MYO1E: variants seen among roughly 807,000 people sequenced by gnomAD.
The protein encoded by MYO1E is unconventional myosin-Ie.
In MYO1E, 68 loss-of-function variants were observed where a neutral mutation model predicts 151.1. That is an observed-to-expected ratio of 0.45 (90% CI 0.37 to 0.55). The LOEUF (loss-of-function observed/expected upper bound fraction) is 0.55. Among genes scored for constraint, MYO1E ranks in the 20% least tolerant of loss-of-function variants. The pLI, the probability that MYO1E is intolerant of heterozygous loss-of-function variation, is 0.00. For missense variants in MYO1E, 1,363 were observed against 1,389.3 expected, an observed-to-expected ratio of 0.98 and a Z score of 0.30; for synonymous variants, 601 against 501.7, an observed-to-expected ratio of 1.20 and a Z score of -2.64.
chr15:59,298,961 C>G (rs777743872), intron 1 of MYO1E, among the ~76,000 whole-genome samples: 19 of 152,158 alleles, frequency 1.2e-4, no homozygotes, highest in Non-Finnish European at 2.5e-4. Context: ...CTTTGTTATA[C>G]AAGAACCACC....
intron 1 of MYO1E, among the ~76,000 whole-genome samples, chr15:59,296,839 CTTTTTTTT>C (rs10717328): frequency 8.0e-6 from 1 of 125,532 alleles, no homozygotes; most frequent in Non-Finnish European, 1.7e-5. Context: ...ATACTTTTTT[CTTTTTTTT>C]TTTTTTTTTT....
At position 59,223,061 on chromosome 15, in the gene MYO1E, T is replaced by G; in HGVS notation, c.908A>C (p.Glu303Ala). ...VGNYAAVESE[E>A]FLAFPAYLLG... is the part of the protein sequence containing the mutation. ...GGCCACATGCCAGGGCTACGCACACTCTTCACTCTCCACAGCCGCGTAGTT... is the reference window on the plus strand; with the variant it reads ...GGCCACATGCCAGGGCTACGCACACGCTTCACTCTCCACAGCCGCGTAGTT... The change falls in exon 9 of 28, where the codon GAG becomes GCG. Residue 303 changes from glutamate to alanine, a missense_variant and splice_region_variant. By Grantham distance (107) the Glu-to-Ala change is moderately radical. Transcript: ENST00000288235. 6.2e-7 allele frequency: 1 copy of G among 1,613,978 alleles called. No individual in the cohort carries two copies. Among genetic ancestry groups the G allele is most frequent in the Non-Finnish European group, 8.5e-7 (1 of 1,180,026 alleles).
intron 26 of MYO1E, among the ~76,000 whole-genome samples, chr15:59,146,726 T>A (rs1040333034): frequency 1.3e-5 from 2 of 148,656 alleles, no homozygotes; most frequent in African/African-American, 4.9e-5. Context: ...TTATATTGTA[T>A]ATATTATTTA....
chr15:59,340,211 G>C (rs1298635205), intron 1 of MYO1E, among the ~76,000 whole-genome samples: 2 of 152,014 alleles, frequency 1.3e-5, no homozygotes, highest in African/African-American at 4.8e-5. Context: ...CTATAATCGA[G>C]AAGCATGAGG....
intron 4 of MYO1E, among the ~76,000 whole-genome samples, chr15:59,246,253 G>T (rs1316850493): frequency 6.6e-6 from 1 of 152,148 alleles, no homozygotes; most frequent in Non-Finnish European, 1.5e-5. Flanking sequence ...AAGTAGCTGG[G>T]ATTACAGGTG....
At chr15:59,183,725 A>G (rs1172381686) in intron 18 of MYO1E, among the ~76,000 whole-genome samples, 1 of 152,172 alleles carries the variant, frequency 6.6e-6, no homozygotes, top group African/African-American at 2.4e-5. Flanking sequence ...GTACAGTTAA[A>G]TTATATTTGA....
chr15:59,281,441 T>C (rs2080352785), intron 1 of MYO1E, among the ~76,000 whole-genome samples: 1 of 151,732 alleles, frequency 6.6e-6, no homozygotes, highest in South Asian at 2.1e-4. Flanking sequence ...ACACCAAGCT[T>C]ATTTTTGTAT....
Position 59,223,177 on chromosome 15 carries a change from C to G in MYO1E, c.792G>C (p.Val264=). The G allele has an allele frequency of 1.2e-6, 2 of 1,614,222 alleles. No homozygotes were observed. The highest frequency in any genetic ancestry group is 1.7e-6 in the Non-Finnish European group (2 of 1,180,046). ...TTTGCTCTTCTGCAAAGATCCCAATCACATTCATGGCGTGCTGGAAGAGAA... is the reference window on the plus strand; with the variant it reads ...TTTGCTCTTCTGCAAAGATCCCAATGACATTCATGGCGTGCTGGAAGAGAA... ...EFQETLHAMN[V]IGIFAEEQTL... Residue 264 remains valine (V), a synonymous_variant, in exon 9 of 28, where the codon GTG becomes GTC. Transcript: ENST00000288235.
intron 14 of MYO1E, chr15:59,207,755 A>T (rs1485856054): frequency 2.5e-6 from 4 of 1,614,184 alleles, no homozygotes; most frequent in Non-Finnish European, 2.5e-6. Context: ...ACTGATAAAG[A>T]TCCTGAGCAA....
At chr15:59,267,803 T>C (rs1249330274) in intron 2 of MYO1E, among the ~76,000 whole-genome samples, 1 of 152,226 alleles carries the variant, frequency 6.6e-6, no homozygotes, top group African/African-American at 2.4e-5. Context: ...GATCTTACAA[T>C]GTAATTGTAA....
At chr15:59,331,490 G>C (rs1316799386) in intron 1 of MYO1E, among the ~76,000 whole-genome samples, 3 of 152,148 alleles carry the variant, frequency 2.0e-5, no homozygotes, top group Non-Finnish European at 4.4e-5. Flanking sequence ...GGGAGAGGTA[G>C]AACAATATAT....
chr15:59,177,071 G>GT (rs2079629418), intron 19 of MYO1E, among the ~76,000 whole-genome samples: 1 of 152,160 alleles, frequency 6.6e-6, no homozygotes, highest in Admixed American at 6.5e-5. Flanking sequence ...GTAACAGCGG[G>GT]TATGAAACAA....
At chr15:59,224,148 G>A (rs994282132) in intron 8 of MYO1E, among the ~76,000 whole-genome samples, 7 of 152,160 alleles carry the variant, frequency 4.6e-5, no homozygotes, top group African/African-American at 1.4e-4. Context: ...CCCCAGGATG[G>A]AACCCCTCCA....
intron 1 of MYO1E, among the ~76,000 whole-genome samples, chr15:59,322,157 A>G (rs745826404): frequency 6.6e-6 from 1 of 151,260 alleles, no homozygotes. Flanking sequence ...CCCGGGCAAC[A>G]GAGTAAGACT....
intron 1 of MYO1E, among the ~76,000 whole-genome samples, chr15:59,340,365 T>C (rs1727102320): frequency 6.7e-6 from 1 of 148,378 alleles, no homozygotes; most frequent in South Asian, 2.3e-4. Context: ...TAAGGCAAAC[T>C]TTTCACATTA....
chr15:59,163,991 C>T (rs2079551406), intron 22 of MYO1E, among the ~76,000 whole-genome samples: 1 of 152,202 alleles, frequency 6.6e-6, no homozygotes, highest in Non-Finnish European at 1.5e-5. Context: ...TTTGCGGGAA[C>T]TGCATGTTTG....
At chr15:59,227,997 T>A (rs1246919724) in intron 6 of MYO1E, among the ~76,000 whole-genome samples, 4 of 152,190 alleles carry the variant, frequency 2.6e-5, no homozygotes, top group Non-Finnish European at 5.9e-5. Context: ...CTCTCTTACC[T>A]ACGGAGCATC....
intron 1 of MYO1E, among the ~76,000 whole-genome samples, chr15:59,314,509 G>A (rs1471075747): frequency 2.0e-5 from 3 of 152,184 alleles, no homozygotes; most frequent in African/African-American, 7.2e-5. Flanking sequence ...CTGGTCACAG[G>A]AGAAGGCCTC....
At chr15:59,192,793 T>C (rs1432456357) in intron 17 of MYO1E, among the ~76,000 whole-genome samples, 2 of 152,198 alleles carry the variant, frequency 1.3e-5, no homozygotes, top group Non-Finnish European at 2.9e-5. Flanking sequence ...GGAGTAATCA[T>C]ATTGGGATAT....
Sources: allele counts gnomAD v4.1 joint callset (sites outside exome capture counted in the v4.1 genomes callset), GRCh38; gene constraint gnomAD v4.1.1; transcripts MANE v1.5; gene names NCBI Gene and HGNC (gene_info 2026-07-23, HGNC 2026-07-21).